The following NRG3 variants were observed in gnomAD, a reference collection of about 807,000 sequenced individuals.
The protein encoded by NRG3 is pro-neuregulin-3, membrane-bound isoform.
A neutral mutation model predicts 66.9 loss-of-function variants in NRG3; 31 were observed. That is an observed-to-expected ratio of 0.46 (90% CI 0.35 to 0.63). The LOEUF (loss-of-function observed/expected upper bound fraction) is 0.63, where lower values mean the gene tolerates loss of function less well. Among genes scored for constraint, NRG3 ranks in the 20% least tolerant of loss-of-function variants. NRG3 has a pLI of 0.00. For missense variants in NRG3, 910 were observed against 878.9 expected (o/e 1.04, Z -0.45); for synonymous variants, 393 against 359.4 (o/e 1.09, Z -1.06).
At chr10:82,862,171 G>C (rs868339185) in intron 3 of NRG3, among the ~76,000 whole-genome samples, 2 of 152,100 alleles carry the variant, frequency 1.3e-5, no homozygotes, top group Non-Finnish European at 2.9e-5. Context: ...CAAGATAAGC[G>C]GTCCTACCGA....
At chr10:82,629,657 G>GTAA in intron 2 of NRG3, among the ~76,000 whole-genome samples, 1 of 152,152 alleles carries the variant, frequency 6.6e-6, no homozygotes, top group Non-Finnish European at 1.5e-5. Context: ...AATTCCTTGA[G>GTAA]CAACCCCTGG....
chr10:82,553,879 A>G (rs991572022), intron 2 of NRG3, among the ~76,000 whole-genome samples: 1 of 152,186 alleles, frequency 6.6e-6, no homozygotes, highest in Non-Finnish European at 1.5e-5. Flanking sequence ...GTTTATCTGC[A>G]AGATGTAATT....
At chr10:82,101,114 A>C (rs182875792) in intron 1 of NRG3, among the ~76,000 whole-genome samples, 12 of 151,984 alleles carry the variant, frequency 7.9e-5, no homozygotes, top group African/African-American at 2.4e-4. Context: ...AGACACAGAC[A>C]GATTTGTATT....
intron 1 of NRG3, among the ~76,000 whole-genome samples, chr10:82,102,018 T>TATATATATATATAC (rs1283027741): frequency 6.9e-6 from 1 of 145,174 alleles, no homozygotes; most frequent in African/African-American, 2.5e-5. Context: ...TATATATATA[T>TATATATATATATAC]ACGCACACAT....
chr10:82,737,990 A>G (rs2058237511), intron 2 of NRG3, among the ~76,000 whole-genome samples: 1 of 152,096 alleles, frequency 6.6e-6, no homozygotes, highest in South Asian at 2.1e-4. Context: ...CTGAGTTTAG[A>G]GATGCCTTTC....
At chr10:81,981,917 A>G (rs1459001078) in intron 1 of NRG3, among the ~76,000 whole-genome samples, 3 of 152,132 alleles carry the variant, frequency 2.0e-5, no homozygotes, top group Non-Finnish European at 4.4e-5. Flanking sequence ...TTCTGCTGAG[A>G]TAAGTGATTA....
At chr10:82,778,564 A>G (rs1295761572) in intron 3 of NRG3, among the ~76,000 whole-genome samples, 6 of 152,216 alleles carry the variant, frequency 3.9e-5, no homozygotes, top group African/African-American at 9.6e-5. Flanking sequence ...CTACGATCCA[A>G]TTACCTCCAC....
chr10:82,661,815 ATGTT>A (rs1476663052), intron 2 of NRG3, among the ~76,000 whole-genome samples: 2 of 152,256 alleles, frequency 1.3e-5, no homozygotes, highest in East Asian at 3.8e-4. Context: ...CACTAATCAA[ATGTT>A]TGTTTGGATA....
intron 2 of NRG3, among the ~76,000 whole-genome samples, chr10:82,594,119 A>G (rs1165750819): frequency 6.6e-6 from 1 of 152,154 alleles, no homozygotes; most frequent in African/African-American, 2.4e-5. Flanking sequence ...CTGATTTTCC[A>G]ACTAAGAAAC....
At chr10:82,400,097 AAAAG>A (rs1425319655) in intron 2 of NRG3, among the ~76,000 whole-genome samples, 1 of 152,202 alleles carries the variant, frequency 6.6e-6, no homozygotes, top group Non-Finnish European at 1.5e-5. Flanking sequence ...AATCGCTAGA[AAAAG>A]AAAGCAAAGC....
chr10:82,681,574 TC>T (rs2054113253), intron 2 of NRG3, among the ~76,000 whole-genome samples: 1 of 152,166 alleles, frequency 6.6e-6, no homozygotes, highest in Non-Finnish European at 1.5e-5. Context: ...GGCATAATAT[TC>T]TCCTGAAGTA....
intron 6 of NRG3, 134 bp downstream of exon 6, chr10:82,959,209 G>A: frequency 6.0e-6 from 6 of 994,398 alleles, no homozygotes; most frequent in Non-Finnish European, 8.3e-6. Flanking sequence ...CGTTTTAACA[G>A]TTCTGGGCTG....
intron 2 of NRG3, among the ~76,000 whole-genome samples, chr10:82,552,444 A>G (rs755281726): frequency 1.3e-5 from 2 of 152,166 alleles, no homozygotes; most frequent in Non-Finnish European, 2.9e-5. Flanking sequence ...TTATTTGAAG[A>G]TGATATTTTC....
intron 1 of NRG3, among the ~76,000 whole-genome samples, chr10:81,897,572 G>T (rs1333849601): frequency 6.6e-6 from 1 of 151,402 alleles, no homozygotes; most frequent in Admixed American, 6.6e-5. Context: ...TATTAACTGG[G>T]ATCTGGAGGG....
At chr10:82,338,069 A>T (rs1564810074) in intron 1 of NRG3, among the ~76,000 whole-genome samples, 1 of 152,224 alleles carries the variant, frequency 6.6e-6, no homozygotes, top group Non-Finnish European at 1.5e-5. Context: ...TGAATAAGAC[A>T]AACATGACTG....
chr10:81,975,007 G>A (rs1441181085), intron 1 of NRG3, among the ~76,000 whole-genome samples: 2 of 151,600 alleles, frequency 1.3e-5, no homozygotes, highest in Non-Finnish European at 2.9e-5. Context: ...TAAGCCTTCA[G>A]TTTTAGTATC....
At chr10:82,594,665 A>G (rs1271250666) in intron 2 of NRG3, among the ~76,000 whole-genome samples, 1 of 152,124 alleles carries the variant, frequency 6.6e-6, no homozygotes, top group Non-Finnish European at 1.5e-5. Flanking sequence ...ATCTTTTACA[A>G]TTATTTCCTA....
chr10:82,615,787 T>C (rs898700754), intron 2 of NRG3, among the ~76,000 whole-genome samples: 1 of 152,044 alleles, frequency 6.6e-6, no homozygotes. Flanking sequence ...AATCTAGCCA[T>C]ATAATATTTG....
Position 82,856,612 on chromosome 10 carries a change from G to A in NRG3, c.1028-8799G>A, listed in dbSNP as rs140577850. On this transcript the variant is annotated intron_variant, in intron 3 of 8. Transcript: ENST00000372141. ...ATACAAAAATTAGCTGGGCATGGTG[G>A]CCGTGCCTGTAATCCCAGCTACTTG... 9.7e-3 allele frequency among the ~76,000 whole-genome samples: 1,469 copies of A among 151,730 alleles called. 27 individuals carry two copies. Among genetic ancestry groups the A allele is most frequent in the African/African-American group, 0.034 (1,406 of 41,376 alleles).
Sources: gnomAD v4.1 joint callset for allele counts (sites outside exome capture counted in the v4.1 genomes callset) on GRCh38, gnomAD v4.1.1 for gene constraint, MANE v1.5 for transcripts, NCBI Gene and HGNC (gene_info 2026-07-23, HGNC 2026-07-21) for gene names.